Variants in SYT6 observed in about 807,000 individuals in gnomAD.
SYT6 encodes synaptotagmin-6.
In SYT6, 24 loss-of-function variants were observed where a neutral mutation model predicts 38.4. The ratio of observed to expected loss-of-function variants is 0.62; its 90% CI spans 0.45 to 0.88. The LOEUF is 0.88. Ranked by LOEUF, SYT6 falls within the 40% of genes least tolerant of loss-of-function variation. SYT6 has a pLI of 0.00. For synonymous variants in SYT6, 265 were observed against 241.9 expected (o/e 1.10, Z -0.89); for missense variants, 611 against 621.0 (o/e 0.98, Z 0.17).
At chr1:114,098,997 G>A in intron 5 of SYT6, 97 bp downstream of exon 5, 1 of 1,291,286 alleles carries the variant, frequency 7.7e-7, no homozygotes, top group Non-Finnish European at 1.1e-6. Flanking sequence ...CCCTAAAGCT[G>A]AGCCCTGAAT....
intron 1 of SYT6, among the ~76,000 whole-genome samples, chr1:114,151,809 G>C (rs1679450835): frequency 6.6e-6 from 1 of 152,120 alleles, no homozygotes; most frequent in Admixed American, 6.5e-5. Flanking sequence ...AGGAGGGGAT[G>C]GCACCAGAGA....
chr1:114,107,059 G>A (rs1412522524), intron 3 of SYT6, among the ~76,000 whole-genome samples: 1 of 152,208 alleles, frequency 6.6e-6, no homozygotes, highest in Non-Finnish European at 1.5e-5. Flanking sequence ...AGCTCCTGTG[G>A]CCCCTCTGAG....
At chr1:114,126,751 G>C (rs1677769188) in intron 3 of SYT6, among the ~76,000 whole-genome samples, 1 of 152,212 alleles carries the variant, frequency 6.6e-6, no homozygotes, top group African/African-American at 2.4e-5. Flanking sequence ...CTAATGAGGG[G>C]CACATTTGGC....
intron 1 of SYT6, among the ~76,000 whole-genome samples, chr1:114,150,073 T>C (rs984708836): frequency 2.6e-5 from 4 of 152,148 alleles, no homozygotes; most frequent in African/African-American, 9.7e-5. Flanking sequence ...GACAACCCTA[T>C]ACAGACCATA....
At chr1:114,148,313 A>G (rs1314105579) in intron 1 of SYT6, among the ~76,000 whole-genome samples, 2 of 152,202 alleles carry the variant, frequency 1.3e-5, no homozygotes, top group Non-Finnish European at 2.9e-5. Flanking sequence ...AGAAAAATCC[A>G]TTTTGTAACA....
chr1:114,099,314 G>A, intron 4 of SYT6, 49 bp from the exon 5 acceptor site: 1 of 1,551,974 alleles, frequency 6.4e-7, no homozygotes, highest in Non-Finnish European at 8.7e-7. Flanking sequence ...TTAAACAGAT[G>A]TCTGCAAACA....
At chr1:114,147,390 C>G (rs1215600955) in intron 1 of SYT6, among the ~76,000 whole-genome samples, 1 of 152,206 alleles carries the variant, frequency 6.6e-6, no homozygotes, top group Non-Finnish European at 1.5e-5. Context: ...GGAAAAGAAG[C>G]CTATTGCTCA....
chr1:114,120,661 A>G (rs749329459), intron 3 of SYT6, among the ~76,000 whole-genome samples: 6 of 152,222 alleles, frequency 3.9e-5, no homozygotes, highest in Non-Finnish European at 5.9e-5. Context: ...AATTTTCTCT[A>G]TCTACAGAAT....
chr1:114,129,190 A>T (rs1373771010), intron 3 of SYT6, among the ~76,000 whole-genome samples: 1 of 152,206 alleles, frequency 6.6e-6, no homozygotes, highest in Non-Finnish European at 1.5e-5. Flanking sequence ...CTGTCATCAA[A>T]TACTGCTGGC....
chr1:114,118,600 C>T (rs533707887), intron 3 of SYT6, among the ~76,000 whole-genome samples: 17 of 152,348 alleles, frequency 1.1e-4, no homozygotes, highest in South Asian at 1.0e-3. Flanking sequence ...CCAGGCCCTC[C>T]GGCGGGGTGT....
intron 3 of SYT6, among the ~76,000 whole-genome samples, chr1:114,120,279 G>A (rs1677310563): frequency 6.6e-6 from 1 of 152,096 alleles, no homozygotes; most frequent in Admixed American, 6.5e-5. Context: ...ATTTCCTCTT[G>A]TCTTAGAACC....
intron 5 of SYT6, 55 bp from the exon 6 acceptor site, chr1:114,097,932 G>T (rs540850304): frequency 1.2e-6 from 2 of 1,600,062 alleles, no homozygotes; most frequent in African/African-American, 2.7e-5. Flanking sequence ...CTCAGAAAAG[G>T]AGGTCCAGTG....
intron 1 of SYT6, among the ~76,000 whole-genome samples, chr1:114,149,606 A>C (rs1240205150): frequency 6.6e-6 from 1 of 152,158 alleles, no homozygotes; most frequent in Admixed American, 6.5e-5. Context: ...TACAGCTAAC[A>C]GAACATTGGC....
At chr1:114,120,846 G>A (rs577952835) in intron 3 of SYT6, among the ~76,000 whole-genome samples, 2 of 152,294 alleles carry the variant, frequency 1.3e-5, no homozygotes, top group South Asian at 2.1e-4. Context: ...TGGTAAAGAG[G>A]GTGTGGCTGG....
chr1:114,112,531 A>C (rs911756227), intron 3 of SYT6, among the ~76,000 whole-genome samples: 1 of 152,068 alleles, frequency 6.6e-6, no homozygotes, highest in Non-Finnish European at 1.5e-5. Flanking sequence ...TGACTTTTTA[A>C]AGTGAGGGTG....
chr1:114,136,150 G>A (rs1052366383), intron 3 of SYT6, among the ~76,000 whole-genome samples: 1 of 152,192 alleles, frequency 6.6e-6, no homozygotes, highest in Non-Finnish European at 1.5e-5. Context: ...GTGTCCCCCA[G>A]ACCCTTCCTG....
At chr1:114,149,240 T>TGTGTGTGTGTGCGCGCGCGCG (rs369263313) in intron 1 of SYT6, among the ~76,000 whole-genome samples, 1 of 146,888 alleles carries the variant, frequency 6.8e-6, no homozygotes, top group African/African-American at 2.6e-5. Context: ...TGTGTGTGTG[T>TGTGTGTGTGTGCGCGCGCGCG]TGGGAGAACA....
chr1:114,109,962 T>A (rs780804043), intron 3 of SYT6, among the ~76,000 whole-genome samples: 7 of 152,172 alleles, frequency 4.6e-5, no homozygotes, highest in Non-Finnish European at 1.0e-4. Context: ...GCAGGGAGTG[T>A]TCGGGGCGCA....
At chr1:114,108,850 A>G (rs1458755236) in intron 3 of SYT6, among the ~76,000 whole-genome samples, 4 of 152,178 alleles carry the variant, frequency 2.6e-5, no homozygotes, top group Non-Finnish European at 5.9e-5. Flanking sequence ...TTTCTTACAG[A>G]GCACTTCTAG....
Sources: allele counts gnomAD v4.1 joint callset (sites outside exome capture counted in the v4.1 genomes callset), GRCh38; gene constraint gnomAD v4.1.1; transcripts MANE v1.5; gene names NCBI Gene and HGNC (gene_info 2026-07-23, HGNC 2026-07-21).